The following EYS variants were observed in gnomAD, a reference collection of about 807,000 sequenced individuals.
EYS encodes the protein protein eyes shut homolog.
Under a neutral mutation model 282.1 loss-of-function variants are expected in EYS, and 250 were observed. That is an observed-to-expected ratio of 0.89 (90% CI 0.80 to 0.98). The LOEUF is 0.98. Ranked by LOEUF, EYS falls within the 50% of genes least tolerant of loss-of-function variation. The pLI is 0.00. For synonymous variants in EYS, 1,355 were observed against 1,282.9 expected, an observed-to-expected ratio of 1.06 and a Z score of -1.20; for missense variants, 4,016 against 3,709.0, an observed-to-expected ratio of 1.08 and a Z score of -2.15.
chr6:65,382,457 C>G (rs1582218144), intron 8 of EYS, among the ~76,000 whole-genome samples: 1 of 111,936 alleles, frequency 8.9e-6, no homozygotes. Flanking sequence ...CTCCTTTCCT[C>G]TGTGTGTGTG....
chr6:64,883,701 CAA>C (rs547455831), intron 19 of EYS, among the ~76,000 whole-genome samples: 1 of 151,348 alleles, frequency 6.6e-6, no homozygotes, highest in African/African-American at 2.4e-5. Context: ...TTAGGAAAGA[CAA>C]AGTTAGACAA....
chr6:65,547,433 C>A (rs1426240820), intron 2 of EYS, among the ~76,000 whole-genome samples: 1 of 151,782 alleles, frequency 6.6e-6, no homozygotes, highest in Admixed American at 6.6e-5. Flanking sequence ...AATAATATTA[C>A]AGTAATGAAT....
chr6:64,870,454 A>C (rs527646223), intron 19 of EYS, among the ~76,000 whole-genome samples: 11 of 149,598 alleles, frequency 7.4e-5, no homozygotes, highest in African/African-American at 2.7e-4. Context: ...AAAGCTGGGA[A>C]GTGGGAGAAT....
chr6:65,657,720 T>TA (rs1562313296), intron 1 of EYS, among the ~76,000 whole-genome samples: 1 of 151,862 alleles, frequency 6.6e-6, no homozygotes, highest in African/African-American at 2.4e-5. Flanking sequence ...ATAAAGTTAG[T>TA]TGAGAAAGCA....
intron 37 of EYS, among the ~76,000 whole-genome samples, chr6:63,800,263 T>A (rs1472436472): frequency 6.6e-6 from 1 of 152,188 alleles, no homozygotes; most frequent in Non-Finnish European, 1.5e-5. Flanking sequence ...CCTGGTTTAG[T>A]GTTGTTAATT....
intron 26 of EYS, among the ~76,000 whole-genome samples, chr6:64,531,679 C>T (rs1764348659): frequency 6.6e-6 from 1 of 151,868 alleles, no homozygotes; most frequent in African/African-American, 2.4e-5. Flanking sequence ...GATCCACCCG[C>T]CTCAGCCTCC....
At chr6:64,289,520 G>C (rs1011560759) in intron 30 of EYS, among the ~76,000 whole-genome samples, 1 of 152,010 alleles carries the variant, frequency 6.6e-6, no homozygotes, top group Admixed American at 6.6e-5. Context: ...CGGTATTTCA[G>C]ATTCTAACGG....
At chr6:65,575,929 A>G (rs1042198616) in intron 2 of EYS, among the ~76,000 whole-genome samples, 8 of 152,116 alleles carry the variant, frequency 5.3e-5, no homozygotes, top group African/African-American at 1.9e-4. Flanking sequence ...CAACAAGTAA[A>G]GAGATTAAAT....
Position 63,788,218 on chromosome 6 carries a change from G to C in EYS, c.7610C>G (p.Ala2537Gly). 6.5e-7 allele frequency: 1 copy of C among 1,540,470 alleles called. No homozygotes were observed. The highest frequency in any genetic ancestry group is 8.7e-7 in the Non-Finnish European group (1 of 1,143,914). Residue 2537 changes from alanine (A) to glycine (G), a missense_variant, in exon 39 of 43, where the codon GCC becomes GGC. Transcript: ENST00000503581. ...ATTGAGACCAACCAGTCTTCCTGGG[G>C]CGATAATGGATTTATTTTTATGATC... is the stretch of plus-strand genomic sequence containing the variant. ...VDDHKNKSII[A>G]PGRLVGLNVF...
At chr6:64,340,992 C>G (rs144473267) in intron 29 of EYS, among the ~76,000 whole-genome samples, 1 of 151,418 alleles carries the variant, frequency 6.6e-6, no homozygotes, top group Non-Finnish European at 1.5e-5. Context: ...ATCAGAGAAA[C>G]GCAAATCCAA....
intron 1 of EYS, among the ~76,000 whole-genome samples, chr6:65,694,268 A>T (rs79757302): frequency 1.4e-5 from 2 of 147,756 alleles, no homozygotes; most frequent in Non-Finnish European, 3.0e-5. Flanking sequence ...CAAAAAAAAT[A>T]AAAAATAAAA....
intron 2 of EYS, among the ~76,000 whole-genome samples, chr6:65,570,883 T>C (rs1764452763): frequency 6.6e-6 from 1 of 152,150 alleles, no homozygotes; most frequent in African/African-American, 2.4e-5. Context: ...AAGATTTTTT[T>C]CAATGTATTT....
intron 5 of EYS, among the ~76,000 whole-genome samples, chr6:65,477,119 A>C (rs1230845064): frequency 6.6e-6 from 1 of 152,220 alleles, no homozygotes; most frequent in African/African-American, 2.4e-5. Context: ...TACAATAATA[A>C]GGTTACCCAC....
chr6:64,247,927 A>G (rs9353659), intron 30 of EYS, among the ~76,000 whole-genome samples: 60,639 of 151,860 alleles, frequency 0.4, 12,906 homozygotes, highest in African/African-American at 0.56. Flanking sequence ...GAGACAAAAG[A>G]GGGCCTGCTG....
chr6:64,368,807 CT>C (rs1211031510), intron 29 of EYS, among the ~76,000 whole-genome samples: 2 of 152,058 alleles, frequency 1.3e-5, no homozygotes, highest in Non-Finnish European at 2.9e-5. Context: ...GATACTAGAC[CT>C]TTGCTGTATG....
At position 65,649,828 on chromosome 6, in the gene EYS, A is replaced by AGATGACAC. The variant is rs1231078603; in HGVS notation, c.-447-9937_-447-9936insGTGTCATC. The stretch of plus-strand genomic sequence containing the variant: ...GGTAAAATGACACAGAGGATGAACC[A>AGATGACAC]AAAGTCACCTGTAGATGACAATGGG... On this transcript the variant is annotated intron_variant, in intron 1 of 42. Coordinates refer to ENST00000503581, the MANE Select transcript of EYS (RefSeq NM_001142800.2). Among the ~76,000 whole-genome samples the AGATGACAC allele has an allele frequency of 2.6e-5, 4 of 152,226 alleles. No individual in the cohort carries two copies. The East Asian group carries it at 7.7e-4, about 29-fold the overall frequency.
intron 22 of EYS, among the ~76,000 whole-genome samples, chr6:64,659,325 A>G (rs1221817620): frequency 2.0e-5 from 3 of 151,814 alleles, no homozygotes; most frequent in Admixed American, 6.6e-5. Flanking sequence ...AATTAAAAGA[A>G]CTAGATAAGA....
At chr6:64,370,802 A>C (rs1379493475) in intron 29 of EYS, among the ~76,000 whole-genome samples, 3 of 151,798 alleles carry the variant, frequency 2.0e-5, no homozygotes, top group Non-Finnish European at 4.4e-5. Context: ...TCTAGCTCGC[A>C]TGCATAGAAG....
At chr6:64,933,936 C>CACATGG in intron 15 of EYS, among the ~76,000 whole-genome samples, 1 of 151,280 alleles carries the variant, frequency 6.6e-6, no homozygotes, top group African/African-American at 2.4e-5. Flanking sequence ...CAACAATGAG[C>CACATGG]ACACAGGGAG....
Sources: gnomAD v4.1 joint callset for allele counts (sites outside exome capture counted in the v4.1 genomes callset) on GRCh38, gnomAD v4.1.1 for gene constraint, MANE v1.5 for transcripts, NCBI Gene and HGNC (gene_info 2026-07-23, HGNC 2026-07-21) for gene names.